The following ELMO1 variants were observed in gnomAD, a reference collection of about 807,000 sequenced individuals.
The protein encoded by ELMO1 is engulfment and cell motility 1, also known as engulfment and cell motility protein 1.
ELMO1 carries 26 observed loss-of-function variants against 98.9 expected under a neutral mutation model. That is an observed-to-expected ratio of 0.26 (90% CI 0.19 to 0.36). ELMO1 has a LOEUF of 0.36. Ranked by LOEUF, ELMO1 falls within the 10% of genes least tolerant of loss-of-function variation. ELMO1 has a pLI of 1.00. For missense variants in ELMO1, 627 were observed against 935.2 expected (o/e 0.67, Z 4.30); for synonymous variants, 346 against 346.0 (o/e 1.00, Z 0.00).
chr7:36,939,277 G>C (rs1786815133), intron 16 of ELMO1, among the ~76,000 whole-genome samples: 3 of 151,568 alleles, frequency 2.0e-5, no homozygotes, highest in South Asian at 2.1e-4. Flanking sequence ...AGTCAGGCTG[G>C]GGGCTCAAGT....
chr7:37,121,803 C>T (rs151271097), intron 14 of ELMO1, among the ~76,000 whole-genome samples: 11,192 of 152,150 alleles, frequency 0.074, 443 homozygotes, highest in East Asian at 0.12. Context: ...TCGAGAAGAG[C>T]AACTCCAAGA....
intron 13 of ELMO1, among the ~76,000 whole-genome samples, chr7:37,179,406 T>A (rs1790704787): frequency 6.6e-6 from 1 of 151,260 alleles, no homozygotes; most frequent in Non-Finnish European, 1.5e-5. Flanking sequence ...GCCTCCCGAG[T>A]ATCTGTGATT....
intron 16 of ELMO1, among the ~76,000 whole-genome samples, chr7:36,953,741 C>A (rs1244711664): frequency 6.6e-6 from 1 of 152,018 alleles, no homozygotes; most frequent in Admixed American, 6.6e-5. Context: ...CATTGAGAAT[C>A]TGGCAACTTA....
chr7:37,055,703 A>G (rs368135012), intron 15 of ELMO1, among the ~76,000 whole-genome samples: 1 of 152,108 alleles, frequency 6.6e-6, no homozygotes, highest in African/African-American at 2.4e-5. Context: ...CATGCTCACC[A>G]CATCTGTGTT....
At chr7:37,391,997 GA>G (rs1256412478) in intron 1 of ELMO1, among the ~76,000 whole-genome samples, 1 of 152,196 alleles carries the variant, frequency 6.6e-6, no homozygotes, top group Admixed American at 6.5e-5. Flanking sequence ...TTTGCACCCA[GA>G]AATTGAAGAA....
chr7:37,135,232 T>A (rs1327384246), intron 13 of ELMO1, among the ~76,000 whole-genome samples: 11 of 152,152 alleles, frequency 7.2e-5, no homozygotes, highest in Admixed American at 7.2e-4. Context: ...AATGCACATC[T>A]GCCAGTTTTT....
At chr7:36,949,794 C>G (rs1400304115) in intron 16 of ELMO1, among the ~76,000 whole-genome samples, 1 of 152,080 alleles carries the variant, frequency 6.6e-6, no homozygotes, top group African/African-American at 2.4e-5. Context: ...TACCAGTGCC[C>G]TCCTCCACCA....
intron 13 of ELMO1, among the ~76,000 whole-genome samples, chr7:37,168,377 G>A (rs1272576770): frequency 3.9e-5 from 6 of 152,350 alleles, no homozygotes; most frequent in Admixed American, 1.3e-4. Flanking sequence ...CATTGCTGGT[G>A]AGGAACTGTG....
chr7:37,270,492 G>A lies in ELMO1; in HGVS notation c.243+1340C>T, dbSNP rs1415952695. 2.6e-5 allele frequency: 4 copies of A among 152,200 alleles called. No individual in the cohort carries two copies. The East Asian group carries it at 7.7e-4, about 29-fold the overall frequency. The allele number at this position is 152,200 out of a possible 1,614,324, so 9.4% of individuals were successfully genotyped here. On this transcript the variant is annotated intron_variant, in intron 5 of 21. Coordinates refer to ENST00000310758, the MANE Select transcript of ELMO1 (RefSeq NM_014800.11). ...TAAATTTATTTTTAGTCTACCACATGGCTTCAGTGGAAACTGAAAATGATA... is the reference window on the plus strand; with the variant it reads ...TAAATTTATTTTTAGTCTACCACATAGCTTCAGTGGAAACTGAAAATGATA...
At chr7:37,403,874 C>T (rs1214686436) in intron 1 of ELMO1, among the ~76,000 whole-genome samples, 2 of 152,092 alleles carry the variant, frequency 1.3e-5, no homozygotes, top group Admixed American at 6.5e-5. Context: ...ACCCATAGAA[C>T]ATACGACACA....
At chr7:37,263,398 C>G (rs576488324) in intron 5 of ELMO1, among the ~76,000 whole-genome samples, 1 of 152,200 alleles carries the variant, frequency 6.6e-6, no homozygotes, top group Admixed American at 6.5e-5. Flanking sequence ...ACATTTGTTC[C>G]GCACATTTGG....
chr7:37,128,577 T>C (rs1303893080), intron 14 of ELMO1, among the ~76,000 whole-genome samples: 1 of 152,202 alleles, frequency 6.6e-6, no homozygotes, highest in Non-Finnish European at 1.5e-5. Flanking sequence ...ACTGCTTTCA[T>C]CAGTACACAG....
At chr7:37,378,311 A>G (rs1320549686) in intron 1 of ELMO1, among the ~76,000 whole-genome samples, 1 of 152,180 alleles carries the variant, frequency 6.6e-6, no homozygotes, top group Non-Finnish European at 1.5e-5. Context: ...GACCAGATAA[A>G]GCTCCCCGTT....
intron 21 of ELMO1, among the ~76,000 whole-genome samples, chr7:36,858,190 A>T (rs1013414792): frequency 6.6e-6 from 1 of 152,208 alleles, no homozygotes; most frequent in African/African-American, 2.4e-5. Context: ...TAGGATAACC[A>T]AATAGTTGAT....
chr7:37,081,159 G>A (rs777311949), intron 15 of ELMO1, among the ~76,000 whole-genome samples: 11 of 151,980 alleles, frequency 7.2e-5, no homozygotes, highest in Non-Finnish European at 1.2e-4. Flanking sequence ...TGTTCATCCC[G>A]GTGCTCTTTA....
intron 4 of ELMO1, among the ~76,000 whole-genome samples, chr7:37,313,783 A>G (rs1799010724): frequency 6.6e-6 from 1 of 152,108 alleles, no homozygotes; most frequent in South Asian, 2.1e-4. Context: ...CATGGATAAA[A>G]TTACAGTCAC....
At chr7:36,973,462 A>G (rs1307761203) in intron 16 of ELMO1, among the ~76,000 whole-genome samples, 3 of 152,240 alleles carry the variant, frequency 2.0e-5, no homozygotes, top group Admixed American at 1.3e-4. Flanking sequence ...ATGCCCACAT[A>G]GGCCTCAATT....
chr7:37,061,111 C>G (rs564884453), intron 15 of ELMO1, among the ~76,000 whole-genome samples: 1 of 152,294 alleles, frequency 6.6e-6, no homozygotes, highest in African/African-American at 2.4e-5. Flanking sequence ...ACTGATAGAA[C>G]AGAGTGCTCA....
In ELMO1 at chr7:36,953,059, G is replaced by A. The variant is rs147888230; in HGVS notation, c.1438-58042C>T. On this transcript the variant is annotated intron_variant, in intron 16 of 21. Transcript: ENST00000310758. ...CGATCTCGGCTCAGGGCAAGCTCCCGGGTTCACGCCATTCTCCTGCCTCAG... is the reference window on the plus strand; with the variant it reads ...CGATCTCGGCTCAGGGCAAGCTCCCAGGTTCACGCCATTCTCCTGCCTCAG... Among the ~76,000 whole-genome samples the A allele has an allele frequency of 4.8e-3, 696 of 144,268 alleles. 5 individuals are homozygous for A. Among genetic ancestry groups the A allele is most frequent in the African/African-American group, 0.017 (672 of 39,010 alleles). 94.6% of individuals were successfully genotyped at this position (144,268 alleles called of 152,430 possible). A position where few individuals can be genotyped will look rare whatever the true frequency, so the allele number is the denominator to read the frequency against.
Sources: gnomAD v4.1 joint callset for allele counts (sites outside exome capture counted in the v4.1 genomes callset) on GRCh38, gnomAD v4.1.1 for gene constraint, MANE v1.5 for transcripts, NCBI Gene and HGNC (gene_info 2026-07-23, HGNC 2026-07-21) for gene names.